The following SH3PXD2A variants were observed in gnomAD, a reference collection of about 807,000 sequenced individuals.
The protein encoded by SH3PXD2A is SH3 and PX domains 2A, also known as SH3 and PX domain-containing protein 2A.
Under a neutral mutation model 115.2 loss-of-function variants are expected in SH3PXD2A, and 32 were observed. That is an observed-to-expected ratio of 0.28 (90% CI 0.21 to 0.37). The LOEUF is 0.37. SH3PXD2A is among the 10% of genes least tolerant of loss of function. The probability of loss-of-function intolerance (pLI) is 1.00; values close to 1 mark genes in which losing one functional copy is unlikely to be tolerated. For synonymous variants in SH3PXD2A, 610 were observed against 629.1 expected (o/e 0.97, Z 0.45); for missense variants, 1,328 against 1,498.7 (o/e 0.89, Z 1.88).
intron 5 of SH3PXD2A, among the ~76,000 whole-genome samples, chr10:103,696,464 G>T (rs1374597323): frequency 1.3e-5 from 2 of 152,022 alleles, no homozygotes; most frequent in Non-Finnish European, 2.9e-5. Context: ...CCCTCTGCTG[G>T]GGCTCAGTTC....
At chr10:103,621,024 G>A (rs2036595379) in intron 10 of SH3PXD2A, among the ~76,000 whole-genome samples, 2 of 152,168 alleles carry the variant, frequency 1.3e-5, no homozygotes, top group South Asian at 2.1e-4. Context: ...ATGCGTGGCT[G>A]CATAATTGGA....
chr10:103,688,401 G>A (rs887471419), intron 6 of SH3PXD2A, among the ~76,000 whole-genome samples: 1 of 152,208 alleles, frequency 6.6e-6, no homozygotes. Context: ...TTGAGGTGGT[G>A]GGAGACAGAG....
chr10:103,807,620 A>G (rs1335008490), intron 1 of SH3PXD2A, among the ~76,000 whole-genome samples: 1 of 152,168 alleles, frequency 6.6e-6, no homozygotes, highest in Non-Finnish European at 1.5e-5. Flanking sequence ...TACATCCCAA[A>G]CTGTGCACCC....
intron 2 of SH3PXD2A, among the ~76,000 whole-genome samples, chr10:103,781,569 C>G (rs2038931779): frequency 6.6e-6 from 1 of 152,188 alleles, no homozygotes; most frequent in African/African-American, 2.4e-5. Flanking sequence ...CAATCAAGGT[C>G]TATTGAAACA....
At chr10:103,713,802 C>T (rs549098928) in intron 5 of SH3PXD2A, among the ~76,000 whole-genome samples, 1 of 152,352 alleles carries the variant, frequency 6.6e-6, no homozygotes, top group East Asian at 1.9e-4. Context: ...CCAGGCCACA[C>T]AGCAGGTGGG....
chr10:103,725,398 T>A (rs192537758), intron 4 of SH3PXD2A, among the ~76,000 whole-genome samples: 49 of 151,474 alleles, frequency 3.2e-4, no homozygotes, highest in African/African-American at 1.1e-3. Flanking sequence ...GTTTGCAGGG[T>A]TTGGACAAGC....
intron 3 of SH3PXD2A, among the ~76,000 whole-genome samples, chr10:103,748,258 A>G (rs2134201635): frequency 6.6e-6 from 1 of 152,334 alleles, no homozygotes; most frequent in African/African-American, 2.4e-5. Context: ...TGCCCCGCCC[A>G]GGGTTGCAAA....
chr10:103,666,739 C>T lies in SH3PXD2A; in HGVS notation c.472+1869G>A, dbSNP rs2037388123. 1.3e-5 allele frequency among the ~76,000 whole-genome samples: 2 copies of T among 152,146 alleles called. No individual in the cohort carries two copies. Among genetic ancestry groups the T allele is most frequent in the East Asian group, 1.9e-4 (1 of 5,194 alleles). The stretch of plus-strand genomic sequence containing the variant: ...TTGTTCTGAGCACGGAATGAAGTGA[C>T]GGGGCTTCAAGTCCTATGGAAATCA... On this transcript the variant is annotated intron_variant, in intron 7 of 14. Coordinates refer to ENST00000369774, the MANE Select transcript of SH3PXD2A (RefSeq NM_001394015.1). This position sits in a 1 kb window ranked among gnomAD's most constrained non-coding sequence, Gnocchi z 4.5.
At chr10:103,680,074 G>A (rs1409088417) in intron 6 of SH3PXD2A, among the ~76,000 whole-genome samples, 6 of 151,830 alleles carry the variant, frequency 4.0e-5, no homozygotes, top group Admixed American at 1.3e-4. Context: ...CTGCCTCCCC[G>A]GTTCAAGTGA....
intron 5 of SH3PXD2A, chr10:103,693,353 G>C (rs2037785337): frequency 6.6e-6 from 1 of 151,014 alleles, no homozygotes; most frequent in Non-Finnish European, 1.5e-5. Context: ...GCCTTGGCGG[G>C]GAAGGGCGAG....
intron 8 of SH3PXD2A, among the ~76,000 whole-genome samples, chr10:103,646,054 C>T (rs902157019): frequency 2.0e-5 from 3 of 152,178 alleles, no homozygotes; most frequent in Admixed American, 6.5e-5. Flanking sequence ...GTTTCGTTCC[C>T]TGCCTGACAT....
In SH3PXD2A at chr10:103,701,734, A is replaced by G. The variant is rs59781397; in HGVS notation, c.399-8678T>C. On this transcript the variant is annotated intron_variant, in intron 5 of 14. Transcript: ENST00000369774. ...TCCATCATTTATCCATCCATCATTC[A>G]TCCAGCCATCCATCCGTCCATCATC... 6.9e-4 allele frequency among the ~76,000 whole-genome samples: 20 copies of G among 29,136 alleles called. 1 individual carries two copies. The highest frequency in any genetic ancestry group is 3.2e-4 in the Admixed American group (1 of 3,122). 19.1% of individuals were successfully genotyped at this position (29,136 alleles called of 152,430 possible). A position where few individuals can be genotyped will look rare whatever the true frequency, so the allele number is the denominator to read the frequency against.
At chr10:103,728,889 G>GTTTTTTTTTTTTTTT (rs199842369) in intron 4 of SH3PXD2A, among the ~76,000 whole-genome samples, 1 of 142,856 alleles carries the variant, frequency 7.0e-6, no homozygotes, top group African/African-American at 2.7e-5. Flanking sequence ...TTTTTTGTTT[G>GTTTTTTTTTTTTTTT]TTTGTTTGTT....
chr10:103,734,202 C>G (rs936867199), intron 4 of SH3PXD2A, among the ~76,000 whole-genome samples: 2 of 152,180 alleles, frequency 1.3e-5, no homozygotes, highest in African/African-American at 4.8e-5. Context: ...CTAATACCAG[C>G]ACTTGTGAAA....
At chr10:103,765,268 C>T (rs2038742148) in intron 3 of SH3PXD2A, among the ~76,000 whole-genome samples, 1 of 152,152 alleles carries the variant, frequency 6.6e-6, no homozygotes, top group East Asian at 1.9e-4. Context: ...CCAAGCCTAC[C>T]CATCCTGTGG....
chr10:103,656,969 T>C (rs1252011873), intron 8 of SH3PXD2A, among the ~76,000 whole-genome samples: 1 of 151,978 alleles, frequency 6.6e-6, no homozygotes, highest in East Asian at 1.9e-4. Flanking sequence ...TTTTCCTTTA[T>C]TGCTTCAACA....
chr10:103,692,782 C>A (rs1279161295), intron 6 of SH3PXD2A, among the ~76,000 whole-genome samples: 2 of 152,106 alleles, frequency 1.3e-5, no homozygotes, highest in African/African-American at 2.4e-5. Flanking sequence ...CTAGGGACAG[C>A]GAGGTAGCGG....
rs751502344 is a variant in SH3PXD2A, at chr10:103,617,246, C to T, written c.871G>A (p.Val291Ile). Residue 291 changes from valine (V) to isoleucine (I), a missense_variant, in exon 11 of 15, where the codon GTC becomes ATC. Val to Ile is a conservative substitution (Grantham distance 29, BLOSUM62 3). Coordinates refer to ENST00000369774, the MANE Select transcript of SH3PXD2A (RefSeq NM_001394015.1). The part of the protein sequence containing the change: ...SKDEIGFEKG[V>I]TVEVIRKNLE... ...TTCTTCCGGATCACCTCCACTGTGA[C>T]GCCCTTCTCAAAGCCAATCTCGTCC... 14 of 1,614,208 alleles carry T rather than the reference C, an allele frequency of 8.7e-6. No individual in the cohort carries two copies. The highest frequency in any genetic ancestry group is 4.4e-5 in the South Asian group (4 of 91,084).
intron 5 of SH3PXD2A, among the ~76,000 whole-genome samples, chr10:103,715,735 C>A (rs2038097781): frequency 6.6e-6 from 1 of 152,232 alleles, no homozygotes; most frequent in East Asian, 1.9e-4. Flanking sequence ...CGAGCAGTCG[C>A]CCTGCCTTCC....
Sources: gnomAD v4.1 joint callset for allele counts (sites outside exome capture counted in the v4.1 genomes callset) on GRCh38, gnomAD v4.1.1 for gene constraint, Gnocchi (gnomAD v3.1) non-coding constraint, MANE v1.5 for transcripts, NCBI Gene and HGNC (gene_info 2026-07-23, HGNC 2026-07-21) for gene names.